The following ADAMTS18 variants were observed in gnomAD, a reference collection of about 807,000 sequenced individuals.
The protein encoded by ADAMTS18 is A disintegrin and metalloproteinase with thrombospondin motifs 18.
In ADAMTS18, 157 loss-of-function variants were observed where a neutral mutation model predicts 165.9. The observed-to-expected ratio is 0.95, with a 90% confidence interval of 0.83 to 1.08. The LOEUF (loss-of-function observed/expected upper bound fraction) is 1.08. Among genes scored for constraint, ADAMTS18 ranks in the 50% least tolerant of loss-of-function variants. The probability of loss-of-function intolerance (pLI) is 0.00; values close to 1 mark genes in which losing one functional copy is unlikely to be tolerated. For synonymous variants in ADAMTS18, 782 were observed against 578.2 expected (o/e 1.35, Z -5.06); for missense variants, 2,040 against 1,534.0 (o/e 1.33, Z -5.51).
chr16:77,424,471 A>AG (rs2057646299), intron 3 of ADAMTS18, among the ~76,000 whole-genome samples: 1 of 150,734 alleles, frequency 6.6e-6, no homozygotes, highest in African/African-American at 2.4e-5. Context: ...TCCATCTCAA[A>AG]AAAAAAAAAA....
chr16:77,309,046 G>C (rs1048227736), intron 16 of ADAMTS18, among the ~76,000 whole-genome samples: 2 of 152,084 alleles, frequency 1.3e-5, no homozygotes, highest in Non-Finnish European at 2.9e-5. Context: ...AAGTACACTA[G>C]TTCAGTGAGA....
intron 3 of ADAMTS18, among the ~76,000 whole-genome samples, chr16:77,403,229 G>C (rs763089113): frequency 2.0e-5 from 3 of 152,184 alleles, no homozygotes; most frequent in Non-Finnish European, 2.9e-5. Flanking sequence ...GAAAGTGTTA[G>C]TACCATTAGT....
intron 3 of ADAMTS18, among the ~76,000 whole-genome samples, chr16:77,372,734 C>T (rs1436665747): frequency 6.6e-6 from 1 of 152,140 alleles, no homozygotes; most frequent in East Asian, 1.9e-4. Context: ...TCAGGATATA[C>T]CTCAGAGAAG....
intron 3 of ADAMTS18, among the ~76,000 whole-genome samples, chr16:77,381,988 A>C (rs2057037660): frequency 2.0e-5 from 3 of 152,024 alleles, no homozygotes; most frequent in Admixed American, 6.5e-5. Context: ...TTCAGATTTC[A>C]CCCTGAAATG....
rs190357714 is a variant in ADAMTS18 at position 77,311,031 on chromosome 16, C to A, written c.2532+8818G>T. On this transcript the variant is annotated intron_variant, in intron 16 of 22. Coordinates refer to ENST00000282849, the MANE Select transcript of ADAMTS18 (RefSeq NM_199355.4). ...TTGATGGTAATTACCTACATTGATA[C>A]ACATGAAGGCAGATGAAAATGAAAT... Among the ~76,000 whole-genome samples, 154 of 152,032 alleles carry A rather than the reference C, an allele frequency of 1.0e-3. 2 individuals carry two copies. Among genetic ancestry groups the A allele is most frequent in the African/African-American group, 3.5e-3 (146 of 41,458 alleles).
chr16:77,303,435 C>G (rs571865156), intron 16 of ADAMTS18, among the ~76,000 whole-genome samples: 5 of 152,186 alleles, frequency 3.3e-5, no homozygotes, highest in African/African-American at 1.2e-4. Flanking sequence ...GAATACCCTT[C>G]CAGTTGTTTA....
chr16:77,397,937 G>C (rs945194981), intron 3 of ADAMTS18, among the ~76,000 whole-genome samples: 3 of 152,126 alleles, frequency 2.0e-5, no homozygotes, highest in Non-Finnish European at 4.4e-5. Context: ...TTACCTACTT[G>C]TGTATCCTCC....
chr16:77,350,807 G>C (rs192595341), intron 10 of ADAMTS18, among the ~76,000 whole-genome samples: 1 of 152,168 alleles, frequency 6.6e-6, no homozygotes, highest in East Asian at 1.9e-4. Context: ...ACAAGTTTCA[G>C]GTCTTGCCGA....
chr16:77,312,104 T>C (rs1454577527), intron 16 of ADAMTS18, among the ~76,000 whole-genome samples: 4 of 152,212 alleles, frequency 2.6e-5, no homozygotes, highest in African/African-American at 9.6e-5. Flanking sequence ...TACATCTTAT[T>C]TTTGTTGTTG....
intron 21 of ADAMTS18, among the ~76,000 whole-genome samples, chr16:77,289,848 A>G (rs987530527): frequency 6.6e-6 from 1 of 152,196 alleles, no homozygotes; most frequent in African/African-American, 2.4e-5. Flanking sequence ...ACAGCTCTGG[A>G]ATTAGGTCCT....
intron 10 of ADAMTS18, among the ~76,000 whole-genome samples, chr16:77,342,194 A>T (rs1161772044): frequency 6.6e-6 from 1 of 152,132 alleles, no homozygotes. Context: ...TGCCCTATGG[A>T]CATGTTATGG....
chr16:77,394,664 G>A (rs1335640778), intron 3 of ADAMTS18, among the ~76,000 whole-genome samples: 3 of 152,164 alleles, frequency 2.0e-5, no homozygotes, highest in South Asian at 4.2e-4. Context: ...ATAAAATAGC[G>A]TTCTCACCCA....
chr16:77,329,813 G>A (rs2056158466), intron 12 of ADAMTS18, among the ~76,000 whole-genome samples: 2 of 152,076 alleles, frequency 1.3e-5, no homozygotes, highest in Admixed American at 6.5e-5. Flanking sequence ...CTTGGTGTAA[G>A]AAGTTGTTTA....
At chr16:77,290,249 CT>C (rs1466169128) in intron 21 of ADAMTS18, among the ~76,000 whole-genome samples, 1 of 152,168 alleles carries the variant, frequency 6.6e-6, no homozygotes, top group Non-Finnish European at 1.5e-5. Flanking sequence ...CATACGGCCT[CT>C]GTTGCAAGTA....
chr16:77,293,003 T>C (rs1163320660), intron 20 of ADAMTS18, 73 bp downstream of exon 20: 4 of 1,593,194 alleles, frequency 2.5e-6, no homozygotes, highest in Non-Finnish European at 3.4e-6. Context: ...GTATTTTTAG[T>C]AGAGACAGGG....
At position 77,287,109 on chromosome 16, in the gene ADAMTS18, A is replaced by G. The variant is rs565974406; in HGVS notation, c.3550+2155T>C. 5.3e-5 allele frequency among the ~76,000 whole-genome samples: 8 copies of G among 152,250 alleles called. No individual in the cohort carries two copies. In the East Asian group the frequency reaches 9.7e-4, roughly 18 times the overall value. On this transcript the variant is annotated intron_variant, in intron 22 of 22. Coordinates refer to ENST00000282849, the MANE Select transcript of ADAMTS18 (RefSeq NM_199355.4). ...CTAGGGTCTAGTTTAAGTGACTACA[A>G]TGGGTAGAAACTTCTACCCAAGTGG...
intron 3 of ADAMTS18, among the ~76,000 whole-genome samples, chr16:77,412,278 G>C (rs2057474835): frequency 6.6e-6 from 1 of 152,006 alleles, no homozygotes; most frequent in Non-Finnish European, 1.5e-5. Context: ...AACGAGTCTT[G>C]GGACTTCTCA....
chr16:77,352,654 G>C (rs73633721), intron 10 of ADAMTS18, among the ~76,000 whole-genome samples: 12,119 of 152,042 alleles, frequency 0.08, 1,612 homozygotes, highest in African/African-American at 0.27. Context: ...GGTGGTGGCA[G>C]AGAAGGAGGA....
chr16:77,424,106 A>C (rs138232979), intron 3 of ADAMTS18, among the ~76,000 whole-genome samples: 11 of 152,202 alleles, frequency 7.2e-5, no homozygotes, highest in Non-Finnish European at 1.3e-4. Context: ...GCCCAGAGAC[A>C]TGAAGGAAGC....
Sources: allele counts gnomAD v4.1 joint callset (sites outside exome capture counted in the v4.1 genomes callset), GRCh38; gene constraint gnomAD v4.1.1; transcripts MANE v1.5; gene names NCBI Gene and HGNC (gene_info 2026-07-23, HGNC 2026-07-21).